The following DPP6 variants were observed in gnomAD, a reference collection of about 807,000 sequenced individuals.
DPP6 encodes the protein dipeptidyl peptidase like 6, also known as A-type potassium channel modulatory protein DPP6.
A neutral mutation model predicts 122.6 loss-of-function variants in DPP6; 69 were observed. The observed-to-expected ratio is 0.56, with a 90% confidence interval of 0.46 to 0.69. The LOEUF is 0.69. Ranked by LOEUF, DPP6 falls within the 30% of genes least tolerant of loss-of-function variation. DPP6 has a pLI of 0.00. For missense variants in DPP6, 928 were observed against 1,116.9 expected (o/e 0.83, Z 2.41); for synonymous variants, 418 against 433.1 (o/e 0.97, Z 0.43).
chr7:154,815,769 C>G (rs1188197902), intron 16 of DPP6, among the ~76,000 whole-genome samples: 1 of 152,176 alleles, frequency 6.6e-6, no homozygotes, highest in East Asian at 1.9e-4. Flanking sequence ...CAGCTCTGGG[C>G]TCTCACCCCC....
At chr7:154,430,969 A>G (rs1435010908) in intron 1 of DPP6, among the ~76,000 whole-genome samples, 1 of 152,190 alleles carries the variant, frequency 6.6e-6, no homozygotes, top group Non-Finnish European at 1.5e-5. Flanking sequence ...ACTAGGCTCC[A>G]CGGTGCTAGA....
At chr7:154,328,362 G>A (rs1388001986) in intron 1 of DPP6, among the ~76,000 whole-genome samples, 3 of 152,204 alleles carry the variant, frequency 2.0e-5, no homozygotes, top group Non-Finnish European at 4.4e-5. Flanking sequence ...CCGAAGCAGG[G>A]AAGTAACGAC....
At chr7:154,840,992 A>C (rs1002934408) in intron 16 of DPP6, among the ~76,000 whole-genome samples, 3 of 152,224 alleles carry the variant, frequency 2.0e-5, no homozygotes, top group African/African-American at 7.2e-5. Flanking sequence ...AGTTGTACAA[A>C]ATAGATTCCT....
At chr7:154,570,003 A>T (rs1586650814) in intron 5 of DPP6, among the ~76,000 whole-genome samples, 1 of 151,916 alleles carries the variant, frequency 6.6e-6, no homozygotes, top group East Asian at 1.9e-4. Context: ...GCTCTCCTAC[A>T]CTTCCAGGGT....
chr7:153,963,283 G>A (rs1018119278), intron 1 of DPP6, among the ~76,000 whole-genome samples: 1 of 151,532 alleles, frequency 6.6e-6, no homozygotes, highest in African/African-American at 2.4e-5. Flanking sequence ...TCGGTTTCCC[G>A]AGCACCTGCC....
chr7:154,806,247 A>G (rs1408545934), intron 15 of DPP6, among the ~76,000 whole-genome samples: 1 of 152,224 alleles, frequency 6.6e-6, no homozygotes, highest in Non-Finnish European at 1.5e-5. Flanking sequence ...GGAACAACAG[A>G]CTTCATATTG....
intron 4 of DPP6, among the ~76,000 whole-genome samples, chr7:154,557,280 T>C (rs1278794602): frequency 1.3e-5 from 2 of 152,102 alleles, no homozygotes; most frequent in Non-Finnish European, 2.9e-5. Context: ...AGTGGTGAGT[T>C]TCTCAAAGAG....
chr7:153,964,979 C>CCTTCCTTCCTTT lies in DPP6; in HGVS notation c.51+77256_51+77257insTCTTCCTTCCTT, dbSNP rs1422013267. On this transcript the variant is annotated intron_variant, in intron 1 of 25. Coordinates refer to the DPP6 transcript ENST00000404039. ...CTCTTTCTTTCTTTCATTTCTTTTCCCTTCCTTCCTTCCTTCCTTTCTTCC... is the reference window on the plus strand; with the variant it reads ...CTCTTTCTTTCTTTCATTTCTTTTCCCTTCCTTCCTTTCTTCCTTCCTTCCTTCCTTTCTTCC... 2.2e-4 allele frequency among the ~76,000 whole-genome samples: 13 copies of CCTTCCTTCCTTT among 60,278 alleles called. 1 individual carries two copies. The highest frequency in any genetic ancestry group is 1.9e-3 in the African/African-American group (13 of 6,762). 39.5% of individuals were successfully genotyped at this position (60,278 alleles called of 152,430 possible). A position where few individuals can be genotyped will look rare whatever the true frequency, so the allele number is the denominator to read the frequency against.
In DPP6 at chr7:154,104,250, C is replaced by A. The variant is rs570664654; in HGVS notation, c.243+51187C>A. 3.0e-3 allele frequency among the ~76,000 whole-genome samples: 464 copies of A among 152,302 alleles called. 1 individual carries two copies. The highest frequency in any genetic ancestry group is 5.1e-3 in the Non-Finnish European group (350 of 68,026). On this transcript the variant is annotated intron_variant, in intron 1 of 25. Transcript: ENST00000377770. ...GGATAATCACTTGGAAATGCAGCTGCCCCGGACGGGAAGGGGTTGTGCATT... is the reference window on the plus strand; with the variant it reads ...GGATAATCACTTGGAAATGCAGCTGACCCGGACGGGAAGGGGTTGTGCATT...
intron 7 of DPP6, among the ~76,000 whole-genome samples, chr7:154,713,955 T>G (rs1249396391): frequency 1.3e-5 from 2 of 152,240 alleles, no homozygotes; most frequent in Non-Finnish European, 2.9e-5. Flanking sequence ...CTGAACACTT[T>G]GTTATTTACA....
upstream of DPP6, among the ~76,000 whole-genome samples, chr7:154,050,959 C>T (rs1012602371): frequency 8.7e-5 from 13 of 148,734 alleles, no homozygotes; most frequent in Non-Finnish European, 1.6e-4. Flanking sequence ...GAGGTCTCTT[C>T]CCAGGAGACT....
chr7:154,070,099 G>A (rs929384090), intron 1 of DPP6, among the ~76,000 whole-genome samples: 2 of 151,736 alleles, frequency 1.3e-5, no homozygotes, highest in Non-Finnish European at 2.9e-5. Flanking sequence ...CCACACCGAG[G>A]TATCAGGTAA....
intron 1 of DPP6, among the ~76,000 whole-genome samples, chr7:154,024,231 C>A (rs1369772077): frequency 6.6e-6 from 1 of 152,194 alleles, no homozygotes; most frequent in African/African-American, 2.4e-5. Context: ...TAGTATCAAT[C>A]CACAAATTAG....
intron 1 of DPP6, among the ~76,000 whole-genome samples, chr7:154,437,533 G>C (rs892877652): frequency 6.6e-6 from 1 of 152,212 alleles, no homozygotes; most frequent in Non-Finnish European, 1.5e-5. Flanking sequence ...TAAGGTAATT[G>C]CAAAATTCCA....
the DPP6 span, among the ~76,000 whole-genome samples, chr7:153,753,441 T>C: frequency 6.6e-6 from 1 of 151,890 alleles, no homozygotes; most frequent in Non-Finnish European, 1.5e-5. Context: ...CCATGAGCAC[T>C]TTTTCCAGCT....
chr7:154,367,893 G>A (rs889863938), intron 1 of DPP6, among the ~76,000 whole-genome samples: 3 of 152,136 alleles, frequency 2.0e-5, no homozygotes, highest in East Asian at 1.9e-4. Context: ...TGCAACCTCC[G>A]CCTCCCGGGT....
At chr7:154,331,220 A>T (rs1808903785) in intron 1 of DPP6, among the ~76,000 whole-genome samples, 1 of 152,202 alleles carries the variant, frequency 6.6e-6, no homozygotes, top group Non-Finnish European at 1.5e-5. Flanking sequence ...GAGAGACGAC[A>T]TTGGCAATTC....
At chr7:154,497,979 G>C (rs188833438) in intron 3 of DPP6, among the ~76,000 whole-genome samples, 2 of 152,112 alleles carry the variant, frequency 1.3e-5, no homozygotes, top group Admixed American at 6.5e-5. Context: ...AGGACGCGTT[G>C]TGTCTCTATC....
At chr7:153,855,032 G>A in the DPP6 span, among the ~76,000 whole-genome samples, 6 of 131,934 alleles carry the variant, frequency 4.5e-5, no homozygotes, top group Admixed American at 4.8e-4. Context: ...GGTGGGAATT[G>A]AACAATGAGA....
Sources: allele counts gnomAD v4.1 joint callset (sites outside exome capture counted in the v4.1 genomes callset), GRCh38; gene constraint gnomAD v4.1.1; transcripts MANE v1.5; gene names NCBI Gene and HGNC (gene_info 2026-07-23, HGNC 2026-07-21).